The following LARGE1 variants were observed in gnomAD, a reference collection of about 807,000 sequenced individuals.
LARGE1 encodes xylosyl- and glucuronyltransferase LARGE1.
LARGE1 carries 43 observed loss-of-function variants against 87.6 expected under a neutral mutation model. The observed-to-expected ratio is 0.49, with a 90% CI of 0.38 to 0.63. The LOEUF is 0.63. Among genes scored for constraint, LARGE1 ranks in the 30% least tolerant of loss-of-function variants. The pLI, the probability that LARGE1 is intolerant of heterozygous loss-of-function variation, is 0.00. For synonymous variants in LARGE1, 434 were observed against 394.6 expected (o/e 1.10, Z -1.18); for missense variants, 802 against 1,000.2 (o/e 0.80, Z 2.67).
chr22:33,529,236 A>T (rs1362273614), intron 6 of LARGE1, among the ~76,000 whole-genome samples: 1 of 152,124 alleles, frequency 6.6e-6, no homozygotes, highest in Non-Finnish European at 1.5e-5. Flanking sequence ...ATCGCCTTTG[A>T]GGACCATGAT....
At chr22:33,908,048 C>T (rs575168375) in intron 1 of LARGE1, among the ~76,000 whole-genome samples, 8 of 152,192 alleles carry the variant, frequency 5.3e-5, no homozygotes, top group Non-Finnish European at 8.8e-5. Context: ...CTTTAGATTC[C>T]GGAATACTTT....
intron 2 of LARGE1, among the ~76,000 whole-genome samples, chr22:33,691,264 G>A (rs2082091095): frequency 6.6e-6 from 1 of 152,070 alleles, no homozygotes; most frequent in Non-Finnish European, 1.5e-5. Context: ...TTTTGAGGGA[G>A]GGAGGAGAGA....
At chr22:33,183,720 A>G (rs1309876311) in intron 11 of LARGE1, among the ~76,000 whole-genome samples, 1 of 152,064 alleles carries the variant, frequency 6.6e-6, no homozygotes, top group South Asian at 2.1e-4. Context: ...CATTATGCTA[A>G]GTGAAATAAA....
intron 11 of LARGE1, among the ~76,000 whole-genome samples, chr22:33,235,566 T>C (rs1926211932): frequency 1.3e-5 from 2 of 152,108 alleles, no homozygotes; most frequent in African/African-American, 4.8e-5. Context: ...TCAAAGGTGG[T>C]TCAGGCATAT....
chr22:33,634,006 T>G (rs2080188830), intron 3 of LARGE1, among the ~76,000 whole-genome samples: 1 of 152,186 alleles, frequency 6.6e-6, no homozygotes, highest in African/African-American at 2.4e-5. Context: ...TTCACTCGCC[T>G]CATCCGTAAA....
chr22:33,837,952 C>T (rs1054113534), intron 1 of LARGE1, among the ~76,000 whole-genome samples: 7 of 152,210 alleles, frequency 4.6e-5, no homozygotes, highest in Non-Finnish European at 8.8e-5. Context: ...TAGTAAATCA[C>T]GTAAGCTCTG....
intron 6 of LARGE1, among the ~76,000 whole-genome samples, chr22:33,446,999 T>C (rs2147875482): frequency 6.6e-6 from 1 of 152,340 alleles, no homozygotes; most frequent in East Asian, 1.9e-4. Flanking sequence ...ATTCAAGTGA[T>C]TCTCCTGCCT....
chr22:33,567,627 G>C (rs1363318066), intron 5 of LARGE1, among the ~76,000 whole-genome samples: 2 of 152,118 alleles, frequency 1.3e-5, no homozygotes, highest in Non-Finnish European at 2.9e-5. Context: ...TTTAATTTTA[G>C]ATTCTGGGGG....
intron 2 of LARGE1, among the ~76,000 whole-genome samples, chr22:33,692,844 T>TA (rs1182098063): frequency 3.2e-4 from 48 of 152,160 alleles, no homozygotes; most frequent in African/African-American, 1.1e-3. Flanking sequence ...GTTTAGGTAT[T>TA]AAAGAAAAAA....
intron 1 of LARGE1, among the ~76,000 whole-genome samples, chr22:33,889,734 T>TTAAAA (rs1285511968): frequency 6.6e-6 from 1 of 152,102 alleles, no homozygotes; most frequent in Non-Finnish European, 1.5e-5. Context: ...GAACTGGGTC[T>TTAAAA]TAAAGGGAGA....
intron 2 of LARGE1, among the ~76,000 whole-genome samples, chr22:33,692,091 T>G (rs1202836992): frequency 6.6e-6 from 1 of 152,084 alleles, no homozygotes; most frequent in Non-Finnish European, 1.5e-5. Context: ...AAAATTAAAA[T>G]TTATTGTATG....
chr22:33,347,677 C>T (rs549277170), intron 9 of LARGE1, among the ~76,000 whole-genome samples: 1 of 152,180 alleles, frequency 6.6e-6, no homozygotes, highest in African/African-American at 2.4e-5. Flanking sequence ...GAGGAGCAGA[C>T]AAACCTACAA....
At chr22:33,141,683 C>G in the LARGE1 span, among the ~76,000 whole-genome samples, 3 of 152,076 alleles carry the variant, frequency 2.0e-5, no homozygotes, top group African/African-American at 7.2e-5. Context: ...TGTTCCAAGC[C>G]ATTTAAGACA....
rs141080680 is a variant in LARGE1 at position 33,226,951 on chromosome 22, G to A, written c.1731-60119C>T. 6.6e-4 allele frequency among the ~76,000 whole-genome samples: 100 copies of A among 152,144 alleles called. 1 individual carries two copies. In the East Asian group the frequency reaches 0.014, roughly 21 times the overall value. On this transcript the variant is annotated intron_variant, in intron 11 of 11. Coordinates refer to the LARGE1 transcript ENST00000608642. ...TCACCGTGTTAGCCAAGATGGTCTC[G>A]ATCTCCTGACCTTGTAACCTTTAAA...
chr22:33,829,010 T>G (rs981957710), intron 1 of LARGE1, among the ~76,000 whole-genome samples: 3 of 98,064 alleles, frequency 3.1e-5, no homozygotes, highest in Non-Finnish European at 6.3e-5. Flanking sequence ...CTTTTTCTTT[T>G]TTTTTTTTTT....
chr22:33,681,021 AT>A (rs1255150746), intron 2 of LARGE1, among the ~76,000 whole-genome samples: 1 of 150,306 alleles, frequency 6.7e-6, no homozygotes, highest in Non-Finnish European at 1.5e-5. Flanking sequence ...TTCGCCACTT[AT>A]TTTTTTCTTG....
chr22:33,308,328 A>T (rs942452966), intron 11 of LARGE1, among the ~76,000 whole-genome samples: 3 of 152,178 alleles, frequency 2.0e-5, no homozygotes, highest in African/African-American at 7.2e-5. Flanking sequence ...ACTGCCCATG[A>T]GGCAGGCTGT....
intron 6 of LARGE1, among the ~76,000 whole-genome samples, chr22:33,528,969 G>A (rs1016018669): frequency 1.3e-5 from 2 of 152,178 alleles, no homozygotes; most frequent in African/African-American, 4.8e-5. Flanking sequence ...AAGCCTGAAA[G>A]ACAGTTCATG....
At chr22:33,215,055 C>T (rs1925141197) in intron 11 of LARGE1, among the ~76,000 whole-genome samples, 1 of 152,224 alleles carries the variant, frequency 6.6e-6, no homozygotes, top group Non-Finnish European at 1.5e-5. Context: ...GATATACTTT[C>T]AGGGGCATTC....
Sources: allele counts gnomAD v4.1 joint callset (sites outside exome capture counted in the v4.1 genomes callset), GRCh38; gene constraint gnomAD v4.1.1; transcripts MANE v1.5; gene names NCBI Gene and HGNC (gene_info 2026-07-23, HGNC 2026-07-21).